The following COPS5 variants were observed in gnomAD, a reference collection of about 807,000 sequenced individuals.
COPS5 encodes COP9 signalosome complex subunit 5.
A neutral mutation model predicts 44.4 loss-of-function variants in COPS5; 8 were observed. The observed-to-expected ratio is 0.18, with a 90% CI of 0.11 to 0.32. The LOEUF is 0.32. Among genes scored for constraint, COPS5 ranks in the 10% least tolerant of loss-of-function variants. The pLI is 1.00. For missense variants in COPS5, 159 were observed against 406.4 expected (o/e 0.39, Z 5.23); for synonymous variants, 122 against 142.8 (o/e 0.85, Z 1.04).
chr8:67,054,794 A>G (rs1037546991), intron 5 of COPS5, among the ~76,000 whole-genome samples: 10 of 152,070 alleles, frequency 6.6e-5, no homozygotes, highest in Admixed American at 6.6e-4. Flanking sequence ...TTAAGCAGCA[A>G]TTTTTTTTGG....
chr8:67,057,350 A>G (rs779714353), intron 4 of COPS5, 30 bp downstream of exon 4: 10 of 1,471,282 alleles, frequency 6.8e-6, no homozygotes, highest in Non-Finnish European at 7.5e-6. Context: ...ACACAGTGAG[A>G]CTCTAACTCT....
Position 67,060,768 on chromosome 8 carries a change from A to G in COPS5, c.143+1086T>C, listed in dbSNP as rs78588671. The G allele has an allele frequency of 8.9e-3, 2,443 of 275,226 alleles. 131 individuals carry two copies. The East Asian group carries it at 0.17, about 19-fold the overall frequency. 17.0% of individuals were successfully genotyped at this position (275,226 alleles called of 1,614,324 possible). Reference sequence around the variant, plus strand: ...TAGGTCTGACTATTGCTCAGTTGAGAGTTCACTTATGTCAGTATGATCATA... The same window carrying G: ...TAGGTCTGACTATTGCTCAGTTGAGGGTTCACTTATGTCAGTATGATCATA... On this transcript the variant is annotated intron_variant, in intron 1 of 7. Transcript: ENST00000357849.
At chr8:67,044,209 A>C (rs554870656) in intron 7 of COPS5, 1 of 150,366 alleles carries the variant, frequency 6.7e-6, no homozygotes, top group South Asian at 2.1e-4. Context: ...TGCCCAGCTA[A>C]TTTTTTTTTT....
rs201167241 is a variant in COPS5 at position 67,043,350 on chromosome 8, T to C, written c.921-33A>G. 7.9e-5 allele frequency: 106 copies of C among 1,347,966 alleles called. No homozygotes were observed. In the Middle Eastern group the frequency reaches 2.2e-3, roughly 28 times the overall value. The allele number at this position is 1,347,966 out of a possible 1,614,324, so 83.5% of individuals were successfully genotyped here. ...AAAAAACACACATCACATGATGTCATAAATTGAAAACTATTTCAAACACAC... is the reference window on the plus strand; with the variant it reads ...AAAAAACACACATCACATGATGTCACAAATTGAAAACTATTTCAAACACAC... On this transcript the variant is annotated intron_variant, in intron 7 of 7. Coordinates refer to ENST00000357849, the MANE Select transcript of COPS5 (RefSeq NM_006837.3).
intron 5 of COPS5, among the ~76,000 whole-genome samples, 183 bp from the exon 6 acceptor site, chr8:67,051,524 C>A (rs565134525): frequency 6.6e-6 from 1 of 152,302 alleles, no homozygotes; most frequent in South Asian, 2.1e-4. Context: ...GGATCCAAAT[C>A]TCCTACTAAA....
chr8:67,052,419 ATT>A (rs1284831418), intron 5 of COPS5, among the ~76,000 whole-genome samples: 11 of 141,164 alleles, frequency 7.8e-5, no homozygotes, highest in Admixed American at 1.4e-4. Context: ...AAGGTTAAGA[ATT>A]TTTTTTTTTT....
intron 7 of COPS5, chr8:67,044,930 T>A (rs1816681446): frequency 6.6e-6 from 1 of 152,158 alleles, no homozygotes. Flanking sequence ...AAGTAAATGT[T>A]ATTAATCTTT....
At position 67,047,782 on chromosome 8, in the gene COPS5, C is replaced by T. The variant is rs1816718627; in HGVS notation, c.772-1822G>A. The stretch of plus-strand genomic sequence containing the variant: ...GATCTGCTTGCCTCATACAAAGGTT[C>T]AGACTGTTCTGGTCTTAACAGTGTT... On this transcript the variant is annotated intron_variant, in intron 6 of 7. Transcript: ENST00000357849. 7.1e-6 allele frequency: 5 copies of T among 702,418 alleles called. No individual in the cohort carries two copies. In the East Asian group the frequency reaches 1.3e-4, roughly 19 times the overall value. The allele number at this position is 702,418 out of a possible 1,614,324, so 43.5% of individuals were successfully genotyped here.
chr8:67,045,530 TCA>T (rs1816690140), intron 7 of COPS5: 1 of 372,102 alleles, frequency 2.7e-6, no homozygotes, highest in African/African-American at 2.0e-5. Context: ...GCTGCTTTTG[TCA>T]CACTTTCTAG....
intron 1 of COPS5, chr8:67,060,476 A>G (rs1382519820): frequency 7.8e-7 from 1 of 1,289,560 alleles, no homozygotes; most frequent in African/African-American, 1.5e-5. Context: ...ATTTCAACCA[A>G]AAGCTGAAAA....
At chr8:67,061,496 A>C (rs1014467248) in intron 1 of COPS5, 2 of 433,014 alleles carry the variant, frequency 4.6e-6, no homozygotes, top group African/African-American at 2.1e-5. Flanking sequence ...CGATTTCTGA[A>C]AACAGCTGCA....
At chr8:67,050,676 G>C (rs1416900500) in intron 6 of COPS5, among the ~76,000 whole-genome samples, 1 of 150,292 alleles carries the variant, frequency 6.7e-6, no homozygotes, top group Non-Finnish European at 1.5e-5. Flanking sequence ...GAAGCTGAGA[G>C]ACTTGGAGGT....
At chr8:67,055,759 G>T (rs1804494492) in intron 5 of COPS5, among the ~76,000 whole-genome samples, 1 of 151,570 alleles carries the variant, frequency 6.6e-6, no homozygotes, top group African/African-American at 2.4e-5. Context: ...CCAGCTACTT[G>T]GGAGGCTGAG....
At chr8:67,058,251 T>C (rs1223080875) in intron 2 of COPS5, 40 bp from the exon 3 acceptor site, 3 of 1,602,100 alleles carry the variant, frequency 1.9e-6, no homozygotes, top group African/African-American at 1.3e-5. Context: ...GATTACTCTT[T>C]AATTAATTTA....
intron 6 of COPS5, 182 bp downstream of exon 6, chr8:67,051,048 A>C: frequency 3.5e-6 from 2 of 569,098 alleles, no homozygotes; most frequent in Non-Finnish European, 6.3e-6. Context: ...TCTGTGGGTC[A>C]TGACACAGAT....
At chr8:67,052,691 C>T (rs962073633) in intron 5 of COPS5, among the ~76,000 whole-genome samples, 1 of 151,378 alleles carries the variant, frequency 6.6e-6, no homozygotes, top group Non-Finnish European at 1.5e-5. Context: ...GTGCTGGGAG[C>T]CACAGTGCTC....
At position 67,062,101 on chromosome 8, in the gene COPS5, C is replaced by G; in HGVS notation, c.-105G>C. On this transcript the variant is annotated 5_prime_UTR_variant, in exon 1 of 8. Coordinates refer to ENST00000357849, the MANE Select transcript of COPS5 (RefSeq NM_006837.3). ...ACCCTCCGCACCACGGGAACAAACT[C>G]TTACCTAGACTCTTGGGGCAGCCAT... 1.3e-6 allele frequency: 2 copies of G among 1,571,040 alleles called. No homozygotes were observed. The highest frequency in any genetic ancestry group is 1.7e-6 in the Non-Finnish European group (2 of 1,161,882).
chr8:67,059,274 G>A lies in COPS5; in HGVS notation c.315C>T (p.Thr105=), dbSNP rs1489628271. ...ATGCAGCAGCCTGAGCATTTACTCG[G>A]GTTTCAGTGCCCTCCACAGGCAAAG... ...SFALPVEGTE[T]RVNAQAAAYE... Residue 105 remains threonine (T), a synonymous_variant, in exon 2 of 8, where the codon ACC becomes ACT. Transcript: ENST00000357849. 1 of 1,614,080 alleles carries A rather than the reference G, an allele frequency of 6.2e-7. No homozygotes were observed. Among genetic ancestry groups the A allele is most frequent in the Non-Finnish European group, 8.5e-7 (1 of 1,180,012 alleles).
At chr8:67,056,259 C>A (rs1804500678) in intron 5 of COPS5, among the ~76,000 whole-genome samples, 1 of 152,070 alleles carries the variant, frequency 6.6e-6, no homozygotes, top group Non-Finnish European at 1.5e-5. Flanking sequence ...TGCCTTTTGT[C>A]TCATCTGTAA....
Sources: gnomAD v4.1 joint callset for allele counts (sites outside exome capture counted in the v4.1 genomes callset) on GRCh38, gnomAD v4.1.1 for gene constraint, MANE v1.5 for transcripts, NCBI Gene and HGNC (gene_info 2026-07-23, HGNC 2026-07-21) for gene names.